The following SLC25A21 variants were observed in gnomAD, a reference collection of about 807,000 sequenced individuals.
SLC25A21 encodes solute carrier family 25 member 21.
Under a neutral mutation model 43.8 loss-of-function variants are expected in SLC25A21, and 47 were observed. The ratio of observed to expected loss-of-function variants is 1.07; its 90% CI spans 0.85 to 1.37. The LOEUF (loss-of-function observed/expected upper bound fraction) is 1.37, where lower values mean the gene tolerates loss of function less well. SLC25A21 is among the 40% of genes most tolerant of loss of function. The pLI, the probability that SLC25A21 is intolerant of heterozygous loss-of-function variation, is 0.00. For missense variants in SLC25A21, 352 were observed against 350.2 expected, an observed-to-expected ratio of 1.00 and a Z score of -0.04; for synonymous variants, 131 against 121.3, an observed-to-expected ratio of 1.08 and a Z score of -0.52.
At chr14:37,130,541 T>C (rs1447007711) in intron 1 of SLC25A21, among the ~76,000 whole-genome samples, 2 of 152,094 alleles carry the variant, frequency 1.3e-5, no homozygotes, top group African/African-American at 4.8e-5. Context: ...AGCATAAATA[T>C]AAGGAAAAAC....
At chr14:36,822,718 T>C (rs566772458) in intron 2 of SLC25A21, among the ~76,000 whole-genome samples, 1 of 152,342 alleles carries the variant, frequency 6.6e-6, no homozygotes, top group South Asian at 2.1e-4. Flanking sequence ...ATACTATCTC[T>C]CTGAAATATC....
intron 6 of SLC25A21, among the ~76,000 whole-genome samples, chr14:36,719,040 TAGACCTCA>T (rs1390156108): frequency 1.3e-5 from 2 of 152,144 alleles, no homozygotes; most frequent in Admixed American, 6.5e-5. Context: ...GCAAATCCTA[TAGACCTCA>T]AGGGAAGGAA....
intron 1 of SLC25A21, among the ~76,000 whole-genome samples, chr14:36,901,237 C>T (rs1331964830): frequency 2.0e-5 from 3 of 151,934 alleles, no homozygotes. Flanking sequence ...CACTTTTTTC[C>T]CCAGAAAATG....
At chr14:37,075,662 G>A (rs1962264901) in intron 1 of SLC25A21, among the ~76,000 whole-genome samples, 1 of 152,170 alleles carries the variant, frequency 6.6e-6, no homozygotes, top group Non-Finnish European at 1.5e-5. Context: ...GTAAAATAAA[G>A]AGAAGACATC....
chr14:36,998,288 T>C (rs1004338820), intron 1 of SLC25A21, among the ~76,000 whole-genome samples: 18 of 152,198 alleles, frequency 1.2e-4, no homozygotes, highest in African/African-American at 4.3e-4. Flanking sequence ...ACTTATTTCA[T>C]GGATTGTCTC....
intron 1 of SLC25A21, among the ~76,000 whole-genome samples, chr14:37,015,727 T>C (rs1006122124): frequency 9.2e-5 from 14 of 151,914 alleles, no homozygotes; most frequent in Admixed American, 4.6e-4. Context: ...TTTTAATGAT[T>C]GCCATTCTAA....
chr14:37,026,065 T>C (rs60717098), intron 1 of SLC25A21, among the ~76,000 whole-genome samples: 9,944 of 152,116 alleles, frequency 0.065, 1,099 homozygotes, highest in African/African-American at 0.23. Flanking sequence ...ACTAGTCATC[T>C]CCCTAAAGAC....
intron 7 of SLC25A21, among the ~76,000 whole-genome samples, chr14:36,692,718 G>C (rs1439159601): frequency 6.6e-6 from 1 of 152,190 alleles, no homozygotes; most frequent in African/African-American, 2.4e-5. Context: ...GGGGTGATGA[G>C]GGACACAGGG....
intron 1 of SLC25A21, among the ~76,000 whole-genome samples, chr14:37,079,597 AT>A (rs1962347749): frequency 6.6e-6 from 1 of 152,140 alleles, no homozygotes; most frequent in Non-Finnish European, 1.5e-5. Context: ...CTCTTCAGTA[AT>A]TTCTCATTAT....
At chr14:37,073,081 G>C (rs1962207106) in intron 1 of SLC25A21, among the ~76,000 whole-genome samples, 1 of 152,168 alleles carries the variant, frequency 6.6e-6, no homozygotes, top group Non-Finnish European at 1.5e-5. Flanking sequence ...TGAAAAAACA[G>C]CTAGTGCAAA....
intron 1 of SLC25A21, among the ~76,000 whole-genome samples, chr14:36,998,222 T>A (rs914108632): frequency 3.3e-5 from 5 of 152,188 alleles, no homozygotes; most frequent in African/African-American, 1.2e-4. Context: ...AAAACGATCA[T>A]TTCACAGTGA....
intron 3 of SLC25A21, among the ~76,000 whole-genome samples, chr14:36,738,452 C>T (rs1303807292): frequency 2.0e-5 from 3 of 152,108 alleles, no homozygotes; most frequent in Non-Finnish European, 4.4e-5. Context: ...TTGGTGACAC[C>T]CATTGTTAAC....
chr14:36,869,732 C>T (rs763071929), intron 2 of SLC25A21, among the ~76,000 whole-genome samples: 61 of 152,232 alleles, frequency 4.0e-4, no homozygotes, highest in Non-Finnish European at 6.6e-4. Flanking sequence ...AAGAGGATGA[C>T]GATAATATTT....
At chr14:36,877,969 C>T (rs17105614) in intron 1 of SLC25A21, among the ~76,000 whole-genome samples, 2,291 of 152,064 alleles carry the variant, frequency 0.015, 63 homozygotes, top group African/African-American at 0.052. Flanking sequence ...GAAGACATTT[C>T]GAGGAGTTGT....
intron 1 of SLC25A21, among the ~76,000 whole-genome samples, chr14:36,877,029 A>T (rs1594660765): frequency 6.6e-6 from 1 of 152,028 alleles, no homozygotes; most frequent in East Asian, 1.9e-4. Flanking sequence ...AATCCTATTT[A>T]AAAAATTTAC....
At chr14:36,799,093 T>C (rs1887777388) in intron 3 of SLC25A21, among the ~76,000 whole-genome samples, 1 of 152,174 alleles carries the variant, frequency 6.6e-6, no homozygotes, top group Non-Finnish European at 1.5e-5. Flanking sequence ...AATAAATGTA[T>C]GATCTTCCCT....
chr14:37,025,694 C>T (rs8007409), intron 1 of SLC25A21, among the ~76,000 whole-genome samples: 4 of 152,016 alleles, frequency 2.6e-5, no homozygotes, highest in African/African-American at 9.7e-5. Flanking sequence ...CCTACTCACT[C>T]GTGTAGGGCA....
At chr14:36,763,980 G>A (rs375403888) in intron 3 of SLC25A21, among the ~76,000 whole-genome samples, 2 of 149,234 alleles carry the variant, frequency 1.3e-5, no homozygotes, top group African/African-American at 5.0e-5. Context: ...AGTGAGTGGA[G>A]ATCGTGCCAC....
intron 1 of SLC25A21, among the ~76,000 whole-genome samples, chr14:37,098,805 A>ATAGATAGAT (rs1555346903): frequency 6.2e-5 from 8 of 129,538 alleles, no homozygotes; most frequent in African/African-American, 1.9e-4. Flanking sequence ...AGATAGATAG[A>ATAGATAGAT]TTTTTTTTTT....
Sources: gnomAD v4.1 joint callset for allele counts (sites outside exome capture counted in the v4.1 genomes callset) on GRCh38, gnomAD v4.1.1 for gene constraint, MANE v1.5 for transcripts, NCBI Gene and HGNC (gene_info 2026-07-23, HGNC 2026-07-21) for gene names.